The following TSN variants were observed in gnomAD, a reference collection of about 807,000 sequenced individuals.
TSN encodes the protein translin, also known as component 3 of promoter of RISC.
TSN carries 5 observed loss-of-function variants against 29.4 expected under a neutral mutation model. The ratio of observed to expected loss-of-function variants is 0.17; its 90% confidence interval spans 0.09 to 0.36. The LOEUF is 0.36. TSN is among the 10% of genes least tolerant of loss of function. The probability of loss-of-function intolerance (pLI) is 1.00; values close to 1 mark genes in which losing one functional copy is unlikely to be tolerated. For synonymous variants in TSN, 106 were observed against 102.2 expected (o/e 1.04, Z -0.23); for missense variants, 159 against 272.8 (o/e 0.58, Z 2.94).
intron 4 of TSN, 126 bp downstream of exon 4, chr2:121,761,650 C>T: frequency 1.4e-6 from 1 of 716,668 alleles, no homozygotes; most frequent in South Asian, 1.7e-5. Flanking sequence ...ATAGTTGTAG[C>T]TTGGTATCTG....
At chr2:121,763,365 T>C (rs2074858275) in intron 5 of TSN, among the ~76,000 whole-genome samples, 1 of 152,146 alleles carries the variant, frequency 6.6e-6, no homozygotes, top group Admixed American at 6.5e-5. Flanking sequence ...CAGGATGGTC[T>C]CGATCTCCTG....
At chr2:121,761,951 G>C (rs1363324206) in intron 4 of TSN, among the ~76,000 whole-genome samples, 1 of 151,470 alleles carries the variant, frequency 6.6e-6, no homozygotes, top group Non-Finnish European at 1.5e-5. Context: ...CCGAGTAGCT[G>C]GGATTACAGG....
Position 121,761,386 on chromosome 2 carries a change from T to C in TSN, c.258-23T>C, listed in dbSNP as rs765590137. ...TCTGAAGGTCCCTAACCTTGGAGGC[T>C]AAATGTGCTTATTTTCATGCAGATT... On this transcript the variant is annotated intron_variant, in intron 3 of 5. Transcript: ENST00000389682. 1.9e-6 allele frequency: 3 copies of C among 1,585,520 alleles called. No homozygotes were observed. In the African/African-American group the frequency reaches 4.0e-5, roughly 21 times the overall value.
intron 4 of TSN, among the ~76,000 whole-genome samples, chr2:121,761,777 A>G (rs1460887397): frequency 6.6e-6 from 1 of 152,050 alleles, no homozygotes; most frequent in African/African-American, 2.4e-5. Flanking sequence ...ACTTTAAATC[A>G]TCTCTAGATT....
chr2:121,763,437 G>A (rs573026230), intron 5 of TSN, among the ~76,000 whole-genome samples: 1 of 152,144 alleles, frequency 6.6e-6, no homozygotes, highest in East Asian at 1.9e-4. Context: ...GAGCCACTGT[G>A]CCTGGCCCAC....
At position 121,755,728 on chromosome 2, in the gene TSN, C is replaced by G; in HGVS notation, c.-52C>G. 6.2e-7 allele frequency: 1 copy of G among 1,607,710 alleles called. No individual in the cohort carries two copies. The highest frequency in any genetic ancestry group is 8.5e-7 in the Non-Finnish European group (1 of 1,178,336). Reference sequence around the variant, plus strand: ...GATTGCGCTGGTTGCCTGCGGCGTCCACTTCCTTGGCCGCCCTTGCTACAC... The same window carrying G: ...GATTGCGCTGGTTGCCTGCGGCGTCGACTTCCTTGGCCGCCCTTGCTACAC... On this transcript the variant is annotated 5_prime_UTR_variant, in exon 1 of 6. Transcript: ENST00000389682.
chr2:121,755,670 G>A lies in TSN; in HGVS notation c.-110G>A. The A allele has an allele frequency of 1.4e-6, 2 of 1,448,844 alleles. No homozygotes were observed. Among genetic ancestry groups the A allele is most frequent in the African/African-American group, 2.8e-5 (2 of 72,170 alleles). The allele number at this position is 1,448,844 out of a possible 1,614,324, so 89.7% of individuals were successfully genotyped here. A position where few individuals can be genotyped will look rare whatever the true frequency, so the allele number is the denominator to read the frequency against. Reference sequence around the variant, plus strand: ...AGCGACGGTCGTGGCGTAAGACCGGGGGGACGCGGCGGTAGCGGCGGCCGT... The same window carrying A: ...AGCGACGGTCGTGGCGTAAGACCGGAGGGACGCGGCGGTAGCGGCGGCCGT... On this transcript the variant is annotated 5_prime_UTR_variant, in exon 1 of 6. Coordinates refer to ENST00000389682, the MANE Select transcript of TSN (RefSeq NM_004622.3).
At chr2:121,762,935 T>A in intron 4 of TSN, 70 bp from the exon 5 acceptor site, 1 of 1,342,316 alleles carries the variant, frequency 7.4e-7, no homozygotes, top group South Asian at 1.4e-5. Flanking sequence ...GGAGAAATTA[T>A]GTGTATATTT....
At chr2:121,756,765 T>G (rs1054372289) in intron 1 of TSN, 4 of 458,462 alleles carry the variant, frequency 8.7e-6, no homozygotes, top group African/African-American at 6.4e-5. Context: ...GAACATTAAC[T>G]GGGCATGGTT....
At chr2:121,756,512 TC>T (rs2074750570) in intron 1 of TSN, 1 of 514,010 alleles carries the variant, frequency 1.9e-6, no homozygotes, top group Non-Finnish European at 3.2e-6. Flanking sequence ...ATCTTCTCCC[TC>T]ATTGTATGTT....
At position 121,765,590 on chromosome 2, in the gene TSN, G is replaced by T; in HGVS notation, c.*223G>T. 1 of 564,552 alleles carries T rather than the reference G, an allele frequency of 1.8e-6. No individual in the cohort carries two copies. Among genetic ancestry groups the T allele is most frequent in the Non-Finnish European group, 3.1e-6 (1 of 317,992 alleles). The allele number at this position is 564,552 out of a possible 1,614,324, so 35.0% of individuals were successfully genotyped here. A position where few individuals can be genotyped will look rare whatever the true frequency, so the allele number is the denominator to read the frequency against. On this transcript the variant is annotated 3_prime_UTR_variant, in exon 6 of 6. Coordinates refer to ENST00000389682, the MANE Select transcript of TSN (RefSeq NM_004622.3). ...TTTTGTTGTTTCAGTGAATATGCCT[G>T]TAATTCAGTGTATTTCAGTTCCGTC...
At chr2:121,761,829 T>A (rs1034041169) in intron 4 of TSN, among the ~76,000 whole-genome samples, 24 of 151,570 alleles carry the variant, frequency 1.6e-4, no homozygotes, top group Admixed American at 9.2e-4. Flanking sequence ...TGTAAATATT[T>A]TTTTTTTTTT....
chr2:121,764,012 T>C (rs531588426), intron 5 of TSN, among the ~76,000 whole-genome samples: 1 of 152,190 alleles, frequency 6.6e-6, no homozygotes, highest in South Asian at 2.1e-4. Context: ...TAGTCACATC[T>C]TCACTCTAGC....
At position 121,758,903 on chromosome 2, in the gene TSN, T is replaced by C. The variant is rs1382674209; in HGVS notation, c.257+97T>C. The C allele has an allele frequency of 1.1e-5, 8 of 737,528 alleles. 1 individual carries two copies. In the South Asian group the frequency reaches 3.7e-4, roughly 34 times the overall value. The allele number at this position is 737,528 out of a possible 1,614,324, so 45.7% of individuals were successfully genotyped here. A position where few individuals can be genotyped will look rare whatever the true frequency, so the allele number is the denominator to read the frequency against. On this transcript the variant is annotated intron_variant, in intron 3 of 5. Transcript: ENST00000389682. Reference sequence around the variant, plus strand: ...ATTGCTTACAACTAGGCAAACATCCTGTGTAGAAGTAACAAAAAGAGAAAA... The same window carrying C: ...ATTGCTTACAACTAGGCAAACATCCCGTGTAGAAGTAACAAAAAGAGAAAA...
intron 4 of TSN, among the ~76,000 whole-genome samples, chr2:121,762,166 A>G (rs2074840368): frequency 6.6e-6 from 1 of 151,830 alleles, no homozygotes; most frequent in Non-Finnish European, 1.5e-5. Flanking sequence ...CTAATTTTGT[A>G]TTTTTAGTAG....
chr2:121,758,815 G>A lies in TSN; in HGVS notation c.257+9G>A. ...GCTGAACAGTATTACAGGTTTGTAA[G>A]AAAAATAGCATTATTTTATAATGTT... On this transcript the variant is annotated intron_variant, in intron 3 of 5. Coordinates refer to ENST00000389682, the MANE Select transcript of TSN (RefSeq NM_004622.3). 1.3e-6 allele frequency: 2 copies of A among 1,492,934 alleles called. No individual in the cohort carries two copies. Among genetic ancestry groups the A allele is most frequent in the Non-Finnish European group, 1.8e-6 (2 of 1,116,330 alleles). The allele number at this position is 1,492,934 out of a possible 1,614,324, so 92.5% of individuals were successfully genotyped here.
chr2:121,763,137 GTTTTTTTTTTTTT>G (rs1009875344), intron 5 of TSN, 53 bp downstream of exon 5: 9 of 508,372 alleles, frequency 1.8e-5, no homozygotes, highest in Non-Finnish European at 2.4e-5. Flanking sequence ...TTCACTGTCA[GTTTTTTTTTTTTT>G]TTTTTTTTTT....
chr2:121,757,490 A>G (rs557131028), intron 2 of TSN, 157 bp downstream of exon 2: 4 of 1,385,996 alleles, frequency 2.9e-6, no homozygotes, highest in Non-Finnish European at 4.0e-6. Flanking sequence ...TTTTTCTTCC[A>G]CTTCCACACA....
chr2:121,765,380 G>C lies in TSN; in HGVS notation c.*13G>C, dbSNP rs1232057930. On this transcript the variant is annotated 3_prime_UTR_variant, in exon 6 of 6. Transcript: ENST00000389682. ...TGTTGAAAAATAGGAGGCTCTCCTT[G>C]CTCCTGGCCTTGCTGACCTCAGCGG... 1 of 1,612,936 alleles carries C rather than the reference G, an allele frequency of 6.2e-7. No homozygotes were observed. Among genetic ancestry groups the C allele is most frequent in the African/African-American group, 1.3e-5 (1 of 74,894 alleles).
Sources: allele counts gnomAD v4.1 joint callset (sites outside exome capture counted in the v4.1 genomes callset), GRCh38; gene constraint gnomAD v4.1.1; transcripts MANE v1.5; gene names NCBI Gene and HGNC (gene_info 2026-07-23, HGNC 2026-07-21).